INTS2: variants seen among roughly 807,000 people sequenced by gnomAD.
INTS2 encodes KIAA1287.
In INTS2, 57 loss-of-function variants were observed where a neutral mutation model predicts 139.6. That is an observed-to-expected ratio of 0.41 (90% confidence interval 0.33 to 0.51). The LOEUF (loss-of-function observed/expected upper bound fraction) is 0.51, where lower values mean the gene tolerates loss of function less well. INTS2 is among the 20% of genes least tolerant of loss of function. INTS2 has a pLI of 0.28. For synonymous variants in INTS2, 473 were observed against 493.4 expected, an observed-to-expected ratio of 0.96 and a Z score of 0.55; for missense variants, 1,196 against 1,436.7, an observed-to-expected ratio of 0.83 and a Z score of 2.71.
At chr17:61,924,401 A>T (rs1209978811) in intron 3 of INTS2, among the ~76,000 whole-genome samples, 1 of 152,202 alleles carries the variant, frequency 6.6e-6, no homozygotes, top group Non-Finnish European at 1.5e-5. Context: ...ATACGGAAAA[A>T]AATCCCTCTC....
rs2079121511 is a variant in INTS2, at chr17:61,875,699, T to C, written c.2457-661A>G. ...AGACACTTAAAGAAAGCTTTTACTT[T>C]GAAAAAGATTAAAATATACAAACAG... is the stretch of plus-strand genomic sequence containing the variant. On this transcript the variant is annotated intron_variant, in intron 18 of 24. Transcript: ENST00000251334. The surrounding 1 kb of genome is among the most constrained non-coding windows in gnomAD (Gnocchi z 4.6). 6.6e-6 allele frequency among the ~76,000 whole-genome samples: 1 copy of C among 151,680 alleles called. No individual in the cohort carries two copies. The highest frequency in any genetic ancestry group is 2.4e-5 in the African/African-American group (1 of 41,250).
rs1351824882 is a variant in INTS2, at chr17:61,882,358, T to C, written c.2090-1187A>G. On this transcript the variant is annotated intron_variant, in intron 16 of 24. Transcript: ENST00000251334. This position sits in a 1 kb window ranked among gnomAD's most constrained non-coding sequence, Gnocchi z 4.7. ...GAAGACCAAAAGAAATGGGAAAACT[T>C]GTTACCAAATCAAAGCCTTATTTAT... 6.6e-6 allele frequency among the ~76,000 whole-genome samples: 1 copy of C among 152,236 alleles called. No homozygotes were observed. Among genetic ancestry groups the C allele is most frequent in the Non-Finnish European group, 1.5e-5 (1 of 68,042 alleles).
rs2079043137 is a variant in INTS2, at chr17:61,866,053, G to A, written c.*1504C>T. ...TCTCAAAAACTACACCTTCTTATTA[G>A]CCTAATTTCTTTTACAAGTGAAGCG... On this transcript the variant is annotated 3_prime_UTR_variant, in exon 25 of 25. Transcript: ENST00000251334. 1 of 152,190 alleles carries A rather than the reference G, an allele frequency of 6.6e-6. No individual in the cohort carries two copies. The highest frequency in any genetic ancestry group is 2.4e-5 in the African/African-American group (1 of 41,394). The allele number at this position is 152,190 out of a possible 1,614,324, so 9.4% of individuals were successfully genotyped here.
intron 7 of INTS2, among the ~76,000 whole-genome samples, chr17:61,908,972 T>C (rs1479025880): frequency 1.3e-5 from 2 of 152,138 alleles, no homozygotes; most frequent in African/African-American, 4.8e-5. Flanking sequence ...AGCTCCTTCA[T>C]AGGAACTCTA....
chr17:61,918,532 G>C (rs1401435462), intron 5 of INTS2, among the ~76,000 whole-genome samples: 1 of 152,032 alleles, frequency 6.6e-6, no homozygotes, highest in African/African-American at 2.4e-5. Context: ...ATGAGCCACC[G>C]TGCCCAGCCA....
intron 15 of INTS2, among the ~76,000 whole-genome samples, chr17:61,888,550 C>CGTGT (rs1254835230): frequency 7.6e-6 from 1 of 131,926 alleles, no homozygotes; most frequent in African/African-American, 3.1e-5. Flanking sequence ...TCTCTGTGTG[C>CGTGT]GTGTGTGTGC....
At chr17:61,910,940 A>C (rs1157278243) in intron 7 of INTS2, 1 of 152,192 alleles carries the variant, frequency 6.6e-6, no homozygotes, top group African/African-American at 2.4e-5. Context: ...AAAGGCTTCT[A>C]CCAAGCCAGA....
At position 61,872,565 on chromosome 17, in the gene INTS2, A is replaced by G; in HGVS notation, c.2583-105T>C. 1.6e-6 allele frequency: 1 copy of G among 623,460 alleles called. No individual in the cohort carries two copies. The highest frequency in any genetic ancestry group is 2.6e-6 in the Non-Finnish European group (1 of 390,574). The allele number at this position is 623,460 out of a possible 1,614,324, so 38.6% of individuals were successfully genotyped here. ...TTTAAATGCTGAGAAAAACCTGAGT[A>G]GTACATACTAACTTTTCCCACTAAA... On this transcript the variant is annotated intron_variant, in intron 19 of 24. Coordinates refer to ENST00000251334, the MANE Select transcript of INTS2 (RefSeq NM_001351695.2). The surrounding 1 kb of genome is among the most constrained non-coding windows in gnomAD (Gnocchi z 4.8).
chr17:61,925,365 G>C lies in INTS2; in HGVS notation c.294-266C>G, dbSNP rs184984514. Among the ~76,000 whole-genome samples the C allele has an allele frequency of 2.5e-3, 380 of 152,178 alleles. 3 individuals carry two copies. The highest frequency in any genetic ancestry group is 4.0e-3 in the Non-Finnish European group (269 of 68,004). On this transcript the variant is annotated intron_variant, in intron 2 of 24. Transcript: ENST00000251334. ...GGAGGCTGAGGCAGGTGGATCACAA[G>C]GTTGGGAGTTCGAGACCAGCCTGGC...
intron 6 of INTS2, 23 bp from the exon 7 acceptor site, chr17:61,911,716 C>A (rs769733423): frequency 6.2e-7 from 1 of 1,602,120 alleles, no homozygotes; most frequent in South Asian, 1.1e-5. Context: ...AGAAAACAAA[C>A]TGAATTCAGT....
chr17:61,911,089 G>T lies in INTS2; in HGVS notation c.954+431C>A, dbSNP rs980382921. ...ATAGGGTTATTGTTGTTTGGTTTTG[G>T]TTTTTTTTTAAGAGATGAGGTCTCG... is the stretch of plus-strand genomic sequence containing the variant. On this transcript the variant is annotated intron_variant, in intron 7 of 24. Coordinates refer to ENST00000251334, the MANE Select transcript of INTS2 (RefSeq NM_001351695.2). 3.3e-5 allele frequency: 6 copies of T among 183,928 alleles called. No homozygotes were observed. The East Asian group carries it at 3.9e-4, about 12-fold the overall frequency. 11.4% of individuals were successfully genotyped at this position (183,928 alleles called of 1,614,324 possible).
At position 61,869,714 on chromosome 17, in the gene INTS2, A is replaced by T. The variant is rs1318051353; in HGVS notation, c.3030+23T>A. The stretch of plus-strand genomic sequence containing the variant: ...CAAGAAAAATAAAGTTCAAACACAA[A>T]GCATCATTCTTTGGAAACAGACCTG... On this transcript the variant is annotated intron_variant, in intron 21 of 24. Transcript: ENST00000251334. The surrounding 1 kb of genome is among the most constrained non-coding windows in gnomAD (Gnocchi z 5.4). The T allele has an allele frequency of 6.2e-7, 1 of 1,606,936 alleles. No homozygotes were observed. The highest frequency in any genetic ancestry group is 1.3e-5 in the African/African-American group (1 of 74,738).
At chr17:61,904,694 C>T (rs1603379747) in intron 8 of INTS2, 109 bp from the exon 9 acceptor site, 2 of 915,026 alleles carry the variant, frequency 2.2e-6, no homozygotes, top group East Asian at 5.5e-5. Flanking sequence ...TGGTATCTTG[C>T]TATTTATAAA....
chr17:61,917,810 A>C (rs184552198), intron 5 of INTS2, among the ~76,000 whole-genome samples: 2 of 152,368 alleles, frequency 1.3e-5, no homozygotes, highest in African/African-American at 4.8e-5. Context: ...AAGAAAAATT[A>C]AAACAAAGGT....
intron 14 of INTS2, 61 bp from the exon 15 acceptor site, chr17:61,889,955 C>A (rs1218018241): frequency 1.0e-6 from 1 of 986,456 alleles, no homozygotes; most frequent in African/African-American, 1.6e-5. Context: ...TTTTTTTTTT[C>A]TTGATAGTAA....
At chr17:61,895,795 C>T (rs1228586791) in intron 11 of INTS2, among the ~76,000 whole-genome samples, 7 of 151,952 alleles carry the variant, frequency 4.6e-5, no homozygotes, top group African/African-American at 1.7e-4. Context: ...ACATATCACA[C>T]CATACACCAA....
chr17:61,927,403 C>G (rs368609226), intron 1 of INTS2: 2 of 160,700 alleles, frequency 1.2e-5, no homozygotes, highest in Admixed American at 6.1e-5. Flanking sequence ...AAGCAGTCCC[C>G]TCTCAAGGCC....
At chr17:61,885,791 C>T (rs1013785032) in intron 15 of INTS2, among the ~76,000 whole-genome samples, 6 of 142,802 alleles carry the variant, frequency 4.2e-5, no homozygotes, top group Admixed American at 7.3e-5. Context: ...TGCAGTGGCG[C>T]GATCTTGGCT....
Position 61,893,796 on chromosome 17 carries a change from C to T in INTS2, c.1667G>A (p.Arg556His), listed in dbSNP as rs767920650. The change falls in exon 13 of 25, where the codon CGT becomes CAT. Residue 556 changes from arginine (R) to histidine (H), a missense_variant. Coordinates refer to ENST00000251334, the MANE Select transcript of INTS2 (RefSeq NM_001351695.2). The surrounding 1 kb of genome is among the most constrained non-coding windows in gnomAD (Gnocchi z 5.4). ...TGACACTTTGTGCTTGGTAAAGGAA[C>T]GGCTCCTGAGAAGCTGGTAAATACA... ...IHCIYQLLRS[R>H]SFTKHKVSIK... is the part of the protein sequence containing the mutation. The T allele has an allele frequency of 2.5e-6, 4 of 1,588,150 alleles. No homozygotes were observed. The highest frequency in any genetic ancestry group is 2.6e-6 in the Non-Finnish European group (3 of 1,166,000).
Sources: allele counts gnomAD v4.1 joint callset (sites outside exome capture counted in the v4.1 genomes callset), GRCh38; gene constraint gnomAD v4.1.1; non-coding constraint Gnocchi (gnomAD v3.1); transcripts MANE v1.5; gene names NCBI Gene and HGNC (gene_info 2026-07-23, HGNC 2026-07-21).